Variants in EXOC2 observed in about 807,000 individuals in gnomAD.
EXOC2 encodes the protein SEC5-like 1.
A neutral mutation model predicts 131.8 loss-of-function variants in EXOC2; 70 were observed. The ratio of observed to expected loss-of-function variants is 0.53; its 90% CI spans 0.44 to 0.65. The LOEUF (loss-of-function observed/expected upper bound fraction) is 0.65. Among genes scored for constraint, EXOC2 ranks in the 30% least tolerant of loss-of-function variants. The pLI is 0.00. For missense variants in EXOC2, 923 were observed against 1,108.6 expected (o/e 0.83, Z 2.38); for synonymous variants, 411 against 398.4 (o/e 1.03, Z -0.38).
intron 26 of EXOC2, 124 bp from the exon 27 acceptor site, chr6:489,162 A>G (rs2127464795): frequency 1.1e-6 from 1 of 894,710 alleles, no homozygotes; most frequent in Non-Finnish European, 1.7e-6. Flanking sequence ...ATATGAGAAA[A>G]AGTAAAAGTG....
chr6:643,862 A>T (rs757571110), intron 1 of EXOC2, among the ~76,000 whole-genome samples: 2 of 152,166 alleles, frequency 1.3e-5, no homozygotes, highest in Non-Finnish European at 2.9e-5. Flanking sequence ...ATAACCATAG[A>T]TACTAAAGAC....
intron 1 of EXOC2, among the ~76,000 whole-genome samples, chr6:643,358 C>T (rs1190533031): frequency 1.3e-5 from 2 of 151,986 alleles, no homozygotes; most frequent in Non-Finnish European, 2.9e-5. Context: ...TTCCAAAGAC[C>T]GAAATTCCGA....
chr6:559,481 C>T (rs1757587982), intron 17 of EXOC2, among the ~76,000 whole-genome samples: 1 of 152,190 alleles, frequency 6.6e-6, no homozygotes, highest in South Asian at 2.1e-4. Context: ...TCAAGGACCT[C>T]TGGCTAGACA....
intron 4 of EXOC2, among the ~76,000 whole-genome samples, chr6:621,836 T>C (rs1033994606): frequency 6.6e-6 from 1 of 152,222 alleles, no homozygotes; most frequent in Non-Finnish European, 1.5e-5. Context: ...GGATTCTTCA[T>C]GCTGGTTCTC....
chr6:603,581 G>A (rs890076237), intron 7 of EXOC2, among the ~76,000 whole-genome samples: 1 of 152,020 alleles, frequency 6.6e-6, no homozygotes. Flanking sequence ...ATTGGGAAAT[G>A]CTAATATTAG....
intron 1 of EXOC2, among the ~76,000 whole-genome samples, chr6:667,899 ATCCATCCATCCATCCG>A (rs2127770119): frequency 6.6e-6 from 1 of 151,454 alleles, no homozygotes; most frequent in Non-Finnish European, 1.5e-5. Flanking sequence ...CCATCCATCC[ATCCATCCATCCATCCG>A]TCCATATCCT....
chr6:578,454 AC>A (rs1326970359), intron 11 of EXOC2, among the ~76,000 whole-genome samples: 1 of 152,178 alleles, frequency 6.6e-6, no homozygotes, highest in Non-Finnish European at 1.5e-5. Flanking sequence ...TAGCAAAAAA[AC>A]GCTAAGCAGA....
intron 23 of EXOC2, among the ~76,000 whole-genome samples, chr6:500,526 C>T (rs1441663186): frequency 1.3e-5 from 2 of 152,140 alleles, no homozygotes; most frequent in Non-Finnish European, 2.9e-5. Context: ...ATTGTCCCAC[C>T]CTTGGGGGGC....
At chr6:635,827 C>G (rs1172622984) in intron 2 of EXOC2, among the ~76,000 whole-genome samples, 11 of 152,246 alleles carry the variant, frequency 7.2e-5, no homozygotes, top group Admixed American at 7.2e-4. Context: ...CTTTGGGAGA[C>G]CGAGGCAGGC....
intron 22 of EXOC2, among the ~76,000 whole-genome samples, chr6:543,679 T>C (rs1756681136): frequency 6.6e-6 from 1 of 152,232 alleles, no homozygotes. Context: ...ATATGCATAA[T>C]TATTATTTGT....
intron 1 of EXOC2, among the ~76,000 whole-genome samples, chr6:673,252 CAAAAAAAAAAAAAAAAAAAAAA>C (rs56189394): frequency 3.3e-4 from 21 of 64,264 alleles, no homozygotes; most frequent in African/African-American, 7.7e-4. Context: ...ACTCCATAGC[CAAAAAAAAAAAAAAAAAAAAAA>C]AAAAAAAAAA....
chr6:619,705 A>G (rs768746191), intron 4 of EXOC2, among the ~76,000 whole-genome samples, 162 bp from the exon 5 acceptor site: 1 of 152,216 alleles, frequency 6.6e-6, no homozygotes, highest in African/African-American at 2.4e-5. Flanking sequence ...TGTACAAAAT[A>G]TATTTCCCAC....
chr6:595,382 C>G (rs1250679591), intron 10 of EXOC2, among the ~76,000 whole-genome samples: 1 of 151,928 alleles, frequency 6.6e-6, no homozygotes. Context: ...TATTTCTTAG[C>G]GACTAAAAAT....
At chr6:494,333 C>CA (rs2127472407) in intron 25 of EXOC2, among the ~76,000 whole-genome samples, 1 of 152,330 alleles carries the variant, frequency 6.6e-6, no homozygotes, top group South Asian at 2.1e-4. Flanking sequence ...CAGGCTCTCC[C>CA]AGTAACACAG....
At chr6:676,055 A>G (rs200570808) in intron 1 of EXOC2, among the ~76,000 whole-genome samples, 1,292 of 88,776 alleles carry the variant, frequency 0.015, 48 homozygotes, top group African/African-American at 0.038. Context: ...TCAGCATTAC[A>G]GAAAGGACAG....
intron 10 of EXOC2, among the ~76,000 whole-genome samples, chr6:596,621 C>T (rs1759836530): frequency 2.0e-5 from 3 of 152,160 alleles, no homozygotes; most frequent in South Asian, 4.1e-4. Flanking sequence ...TCTGCCTTGG[C>T]CTCCCAAAGT....
At position 618,798 on chromosome 6, in the gene EXOC2, C is replaced by T. The variant is rs1477115031; in HGVS notation, c.536+632G>A. 3.3e-5 allele frequency among the ~76,000 whole-genome samples: 5 copies of T among 152,314 alleles called. No individual in the cohort carries two copies. In the South Asian group the frequency reaches 6.2e-4, roughly 19 times the overall value. The stretch of plus-strand genomic sequence containing the variant: ...ATTTATATTAAGGTATATTTTAACA[C>T]ACTAATTTATCAATAATTTAAGTTT... On this transcript the variant is annotated intron_variant, in intron 5 of 27. Transcript: ENST00000230449.
intron 23 of EXOC2, among the ~76,000 whole-genome samples, chr6:515,951 G>A (rs371505872): frequency 2.8e-4 from 42 of 152,270 alleles, no homozygotes; most frequent in East Asian, 1.2e-3. Context: ...CTACCAAGGC[G>A]TATGGTGACT....
At chr6:562,538 C>G (rs1287223431) in intron 17 of EXOC2, among the ~76,000 whole-genome samples, 1 of 152,076 alleles carries the variant, frequency 6.6e-6, no homozygotes, top group Admixed American at 6.6e-5. Context: ...AAAACTAATT[C>G]AAACAAAAAT....
Sources: allele counts gnomAD v4.1 joint callset (sites outside exome capture counted in the v4.1 genomes callset), GRCh38; gene constraint gnomAD v4.1.1; transcripts MANE v1.5; gene names NCBI Gene and HGNC (gene_info 2026-07-23, HGNC 2026-07-21).